Variants in CCT8 observed in about 807,000 individuals in gnomAD.
CCT8 encodes chaperonin containing TCP1 subunit 8, also known as T-complex protein 1 subunit theta.
In CCT8, 10 loss-of-function variants were observed where a neutral mutation model predicts 65.7. The observed-to-expected ratio is 0.15, with a 90% CI of 0.09 to 0.26. The LOEUF (loss-of-function observed/expected upper bound fraction) is 0.26, where lower values mean the gene tolerates loss of function less well. Ranked by LOEUF, CCT8 falls within the 10% of genes least tolerant of loss-of-function variation. The pLI, the probability that CCT8 is intolerant of heterozygous loss-of-function variation, is 1.00. For synonymous variants in CCT8, 199 were observed against 221.8 expected, an observed-to-expected ratio of 0.90 and a Z score of 0.92; for missense variants, 568 against 669.1, an observed-to-expected ratio of 0.85 and a Z score of 1.67.
rs1278126018 is a variant in CCT8, at chr21:29,063,351, CCTCA to C, written c.938_941del (p.Val313GlyfsTer2). ...AAAAAAAAAAATCGGCTTTTTCTTA[CCTCA>C]CTAACATGATATTATATTTATTTGC... On this transcript the variant is annotated frameshift_variant and splice_region_variant, in exon 8 of 15. Coordinates refer to ENST00000286788, the MANE Select transcript of CCT8 (RefSeq NM_006585.4). LOFTEE classifies it high-confidence loss of function. The C allele has an allele frequency of 6.2e-7, 1 of 1,606,120 alleles. No homozygotes were observed. The highest frequency in any genetic ancestry group is 1.7e-5 in the Admixed American group (1 of 59,050).
Position 29,069,500 on chromosome 21 carries a change from T to C in CCT8, c.154A>G (p.Met52Val). 1 of 1,552,430 alleles carries C rather than the reference T, an allele frequency of 6.4e-7. No individual in the cohort carries two copies. The highest frequency in any genetic ancestry group is 8.7e-7 in the Non-Finnish European group (1 of 1,149,458). Residue 52 changes from methionine to valine, a missense_variant and splice_region_variant, in exon 3 of 15, where the codon ATG becomes GTG. Met to Val is a conservative substitution (Grantham distance 21, BLOSUM62 1). Coordinates refer to ENST00000286788, the MANE Select transcript of CCT8 (RefSeq NM_006585.4). ...TTRTAYGPNG[M>V]NKMVINHLEK... is the part of the protein sequence containing the mutation. ...AAGTGGTTGATAACCATTTTGTTCA[T>C]TCCTCAAAAGTAACAGTTAAAAAAA...
At chr21:29,062,738 CTGAG>C (rs2085578099) in intron 8 of CCT8, 182 bp from the exon 9 acceptor site, 4 of 608,618 alleles carry the variant, frequency 6.6e-6, no homozygotes, top group Admixed American at 5.9e-5. Flanking sequence ...TCCTGACTCT[CTGAG>C]TGAGTCCAGC....
intron 2 of CCT8, among the ~76,000 whole-genome samples, chr21:29,069,942 A>C (rs2085663410): frequency 6.6e-6 from 1 of 152,236 alleles, no homozygotes; most frequent in Non-Finnish European, 1.5e-5. Flanking sequence ...TTTCTTCCTT[A>C]AACTATGTCA....
chr21:29,073,025 T>A (rs1266893832), intron 1 of CCT8, among the ~76,000 whole-genome samples: 1 of 152,214 alleles, frequency 6.6e-6, no homozygotes, highest in Non-Finnish European at 1.5e-5. Flanking sequence ...TCAACTAAGC[T>A]GAAAGCCGTA....
At chr21:29,065,751 CTTA>C (rs1294328896) in intron 6 of CCT8, among the ~76,000 whole-genome samples, 2 of 152,164 alleles carry the variant, frequency 1.3e-5, no homozygotes, top group Non-Finnish European at 2.9e-5. Flanking sequence ...GTCTTATAAG[CTTA>C]TTATAATTCA....
intron 5 of CCT8, 42 bp downstream of exon 5, chr21:29,066,849 T>C: frequency 6.3e-7 from 1 of 1,580,014 alleles, no homozygotes; most frequent in East Asian, 2.2e-5. Context: ...ATGTTAAAGG[T>C]ATTTTTATTT....
chr21:29,059,365 C>G (rs968648533), intron 14 of CCT8: 1 of 152,178 alleles, frequency 6.6e-6, no homozygotes, highest in African/African-American at 2.4e-5. Context: ...CAACCAACAA[C>G]TTCCCCTACC....
chr21:29,069,823 T>C (rs753426710), intron 2 of CCT8, among the ~76,000 whole-genome samples: 61 of 152,336 alleles, frequency 4.0e-4, no homozygotes, highest in Non-Finnish European at 6.9e-4. Context: ...GAAATTAACA[T>C]GTAAAAAGGC....
chr21:29,070,126 C>A, intron 2 of CCT8, 121 bp downstream of exon 2: 1 of 536,170 alleles, frequency 1.9e-6, no homozygotes. Context: ...AATGAACTAT[C>A]ATTGAGCTAT....
At chr21:29,059,622 C>CA (rs770648167) in intron 14 of CCT8, 1 of 152,214 alleles carries the variant, frequency 6.6e-6, no homozygotes, top group Non-Finnish European at 1.5e-5. Flanking sequence ...TTTAAGAACT[C>CA]AAACATATTC....
Position 29,058,884 on chromosome 21 carries a change from G to T in CCT8, c.1569+1657C>A, listed in dbSNP as rs558414957. Among the ~76,000 whole-genome samples the T allele has an allele frequency of 1.9e-4, 29 of 152,056 alleles. No individual in the cohort carries two copies. The East Asian group carries it at 4.5e-3, about 23-fold the overall frequency. ...TGGGATTACAGGCGTGAGCCACCGC[G>T]CCTGGCCTCCAAGAATCTGTATTTC... On this transcript the variant is annotated intron_variant, in intron 14 of 14. Transcript: ENST00000286788.
intron 11 of CCT8, 96 bp downstream of exon 11, chr21:29,062,032 A>T: frequency 1.3e-6 from 1 of 795,538 alleles, no homozygotes; most frequent in Non-Finnish European, 2.1e-6. Flanking sequence ...CTCATTCTGA[A>T]GTTCTCATGA....
intron 3 of CCT8, among the ~76,000 whole-genome samples, chr21:29,068,168 A>G (rs2085644299): frequency 6.6e-6 from 1 of 152,146 alleles, no homozygotes; most frequent in Non-Finnish European, 1.5e-5. Flanking sequence ...GGAGTATAAA[A>G]CTTTTCTTCA....
chr21:29,064,691 TACTC>T (rs914638860), intron 7 of CCT8, among the ~76,000 whole-genome samples: 13 of 152,194 alleles, frequency 8.5e-5, no homozygotes, highest in African/African-American at 2.2e-4. Context: ...GCACACAAAA[TACTC>T]ACATTCTCAT....
chr21:29,066,453 T>C (rs1427048138), intron 6 of CCT8, among the ~76,000 whole-genome samples: 1 of 151,306 alleles, frequency 6.6e-6, no homozygotes, highest in Non-Finnish European at 1.5e-5. Flanking sequence ...GACTGGAGAA[T>C]CACTTGAACC....
chr21:29,069,858 A>G (rs944652570), intron 2 of CCT8, among the ~76,000 whole-genome samples: 1 of 152,222 alleles, frequency 6.6e-6, no homozygotes, highest in Non-Finnish European at 1.5e-5. Flanking sequence ...TAGTATATTT[A>G]GTTGTATGTT....
At position 29,060,665 on chromosome 21, in the gene CCT8, C is replaced by CA. The variant is rs142519785; in HGVS notation, c.1450-6dup. ...CTTTACAGCAGGGACTTCAGCCTGT[C>CA]AAACACAATTTTCATCCTTTCATTT... On this transcript the variant is annotated splice_polypyrimidine_tract_variant and splice_region_variant and intron_variant, in intron 13 of 14. Coordinates refer to ENST00000286788, the MANE Select transcript of CCT8 (RefSeq NM_006585.4). The CA allele has an allele frequency of 2.7e-4, 434 of 1,611,084 alleles. 1 individual carries two copies. The African/African-American group carries it at 4.9e-3, about 18-fold the overall frequency.
At chr21:29,058,133 C>A (rs968016083) in intron 14 of CCT8, 3 of 152,134 alleles carry the variant, frequency 2.0e-5, no homozygotes, top group African/African-American at 7.2e-5. Context: ...CCTAAGTGCA[C>A]ATTGATTTTA....
intron 14 of CCT8, among the ~76,000 whole-genome samples, chr21:29,057,414 C>T (rs1177717058): frequency 6.6e-6 from 1 of 151,316 alleles, no homozygotes; most frequent in Non-Finnish European, 1.5e-5. Flanking sequence ...ATCCACCCGC[C>T]TCAGCCTCCC....
Sources: gnomAD v4.1 joint callset for allele counts (sites outside exome capture counted in the v4.1 genomes callset) on GRCh38, gnomAD v4.1.1 for gene constraint, MANE v1.5 for transcripts, NCBI Gene and HGNC (gene_info 2026-07-23, HGNC 2026-07-21) for gene names.